SKIC3: variants seen among roughly 807,000 people sequenced by gnomAD.
The protein encoded by SKIC3 is SKI3 subunit of superkiller complex, also known as superkiller complex protein 3.
At chr5:95,528,981 C>A in the SKIC3 span, 9 of 1,609,978 alleles carry the variant, frequency 5.6e-6, no homozygotes, top group African/African-American at 2.7e-5. Context: ...ATATGTCAAC[C>A]CAAAAAGTAT....
At chr5:95,539,601 T>TG in the SKIC3 span, among the ~76,000 whole-genome samples, 2 of 152,080 alleles carry the variant, frequency 1.3e-5, 1 homozygote, top group African/African-American at 4.8e-5. Flanking sequence ...CCCAACACTT[T>TG]GGGGGGCTGA....
At chr5:95,464,373 T>A in the SKIC3 span, 4 of 469,526 alleles carry the variant, frequency 8.5e-6, no homozygotes, top group African/African-American at 7.9e-5. Context: ...AAGGCAATAA[T>A]GGTTTTCCTT....
chr5:95,508,610 C>T, the SKIC3 span, among the ~76,000 whole-genome samples: 1 of 152,312 alleles, frequency 6.6e-6, no homozygotes, highest in African/African-American at 2.4e-5. Context: ...TTAAACTCAC[C>T]TGAAATGTCA....
At chr5:95,522,297 C>T in the SKIC3 span, 2 of 1,613,274 alleles carry the variant, frequency 1.2e-6, no homozygotes, top group African/African-American at 2.7e-5. Context: ...GCTCTTAATG[C>T]TGCCTGTAAA....
the SKIC3 span, chr5:95,509,503 G>C: frequency 3.1e-6 from 3 of 976,114 alleles, no homozygotes; most frequent in East Asian, 5.1e-5. Flanking sequence ...GGCTTCACCC[G>C]GTTCTCCCAA....
chr5:95,542,682 T>A, the SKIC3 span, among the ~76,000 whole-genome samples: 1 of 152,204 alleles, frequency 6.6e-6, no homozygotes, highest in Non-Finnish European at 1.5e-5. Context: ...CTACATCGTA[T>A]TAATCAGTTT....
chr5:95,535,630 C>T, the SKIC3 span, among the ~76,000 whole-genome samples: 43 of 150,966 alleles, frequency 2.8e-4, no homozygotes, highest in Middle Eastern at 3.4e-3. Context: ...TTTTTTAATT[C>T]AGACACCAGG....
the SKIC3 span, among the ~76,000 whole-genome samples, chr5:95,524,053 T>C: frequency 1.3e-5 from 2 of 152,170 alleles, no homozygotes; most frequent in Admixed American, 1.3e-4. Flanking sequence ...AAATATTTTG[T>C]TTTTTGGTAA....
At chr5:95,494,683 T>C in the SKIC3 span, 1 of 1,613,256 alleles carries the variant, frequency 6.2e-7, no homozygotes, top group South Asian at 1.1e-5. Flanking sequence ...TATATGCACC[T>C]GGAGAAAGGA....
At chr5:95,541,907 C>T in the SKIC3 span, 13 of 1,601,664 alleles carry the variant, frequency 8.1e-6, no homozygotes, top group Non-Finnish European at 1.1e-5. Context: ...TTGCTAACCC[C>T]TAAAAGAAGA....
At chr5:95,478,483 T>G in the SKIC3 span, 2 of 1,612,720 alleles carry the variant, frequency 1.2e-6, no homozygotes, top group Non-Finnish European at 1.7e-6. Context: ...GGATTTTAGT[T>G]TATTATGCAG....
the SKIC3 span, among the ~76,000 whole-genome samples, chr5:95,518,322 C>T: frequency 1.3e-5 from 2 of 151,924 alleles, no homozygotes; most frequent in African/African-American, 4.8e-5. Flanking sequence ...GGAATGTTCA[C>T]TATCCTCCTT....
the SKIC3 span, among the ~76,000 whole-genome samples, chr5:95,484,493 T>C: frequency 2.0e-5 from 3 of 151,842 alleles, no homozygotes; most frequent in Non-Finnish European, 4.4e-5. Flanking sequence ...ACTACAGGCA[T>C]GTGTCACCAG....
the SKIC3 span, among the ~76,000 whole-genome samples, chr5:95,499,842 A>AT: frequency 1.5e-4 from 23 of 151,956 alleles, 1 homozygote; most frequent in African/African-American, 3.4e-4. Flanking sequence ...AACATCTAGC[A>AT]TTTTTTTTCC....
the SKIC3 span, among the ~76,000 whole-genome samples, chr5:95,495,718 T>C: frequency 2.0e-5 from 3 of 152,184 alleles, no homozygotes; most frequent in Non-Finnish European, 4.4e-5. Flanking sequence ...CTGTGGCTTG[T>C]GCATCTGCAG....
the SKIC3 span, among the ~76,000 whole-genome samples, chr5:95,489,227 C>T: frequency 2.0e-5 from 3 of 151,668 alleles, no homozygotes; most frequent in Non-Finnish European, 4.4e-5. Flanking sequence ...TTACTTGAGC[C>T]CAGGAGTTTG....
the SKIC3 span, chr5:95,502,938 C>G: frequency 8.1e-6 from 13 of 1,613,890 alleles, no homozygotes; most frequent in Non-Finnish European, 1.1e-5. Context: ...TCAGTTATTG[C>G]CAGAGCTGTC....
At chr5:95,543,631 A>G in the SKIC3 span, among the ~76,000 whole-genome samples, 1 of 152,100 alleles carries the variant, frequency 6.6e-6, no homozygotes, top group African/African-American at 2.4e-5. Context: ...AACAATAACT[A>G]CTCAATCATC....
At chr5:95,524,661 G>A in the SKIC3 span, 1 of 1,595,916 alleles carries the variant, frequency 6.3e-7, no homozygotes. Context: ...CAATATAGGA[G>A]ACTCCTAGTT....
Sources: gnomAD v4.1 joint callset for allele counts (sites outside exome capture counted in the v4.1 genomes callset) on GRCh38, gnomAD v4.1.1 for gene constraint, MANE v1.5 for transcripts, NCBI Gene and HGNC (gene_info 2026-07-23, HGNC 2026-07-21) for gene names.